Variants in PRIM2 observed in about 807,000 individuals in gnomAD.
PRIM2 encodes DNA primase large subunit.
Under a neutral mutation model 67.3 loss-of-function variants are expected in PRIM2, and 39 were observed. The observed-to-expected ratio is 0.58, with a 90% CI of 0.45 to 0.76. The LOEUF is 0.76. Ranked by LOEUF, PRIM2 falls within the 30% of genes least tolerant of loss-of-function variation. The pLI is 0.00. For missense variants in PRIM2, 398 were observed against 598.7 expected, an observed-to-expected ratio of 0.66 and a Z score of 3.50; for synonymous variants, 143 against 198.7, an observed-to-expected ratio of 0.72 and a Z score of 2.36.
At chr6:57,424,182 C>G (rs1771550482) in intron 7 of PRIM2, among the ~76,000 whole-genome samples, 1 of 152,050 alleles carries the variant, frequency 6.6e-6, no homozygotes, top group Admixed American at 6.6e-5. Flanking sequence ...GATTCTTTTT[C>G]TGTTTTTTCA....
At chr6:57,455,672 A>G (rs1383982913) in intron 7 of PRIM2, among the ~76,000 whole-genome samples, 1 of 152,012 alleles carries the variant, frequency 6.6e-6, no homozygotes, top group African/African-American at 2.4e-5. Context: ...TTTTGAGCCT[A>G]TATGTGTCTC....
the PRIM2 span, among the ~76,000 whole-genome samples, chr6:57,299,137 A>T: frequency 2.0e-5 from 3 of 152,050 alleles, no homozygotes; most frequent in Non-Finnish European, 4.4e-5. Context: ...CCAGTAAGAT[A>T]ATGCACATGC....
chr6:57,597,021 T>A (rs1776379078), intron 10 of PRIM2, among the ~76,000 whole-genome samples: 1 of 151,402 alleles, frequency 6.6e-6, no homozygotes, highest in Non-Finnish European at 1.5e-5. Flanking sequence ...GCTCTTTCAT[T>A]CAAGTGAAGG....
At chr6:57,436,143 T>C (rs1228962978) in intron 7 of PRIM2, among the ~76,000 whole-genome samples, 2 of 152,200 alleles carry the variant, frequency 1.3e-5, no homozygotes, top group African/African-American at 2.4e-5. Context: ...CATTCCCTCC[T>C]CTTGTGTTTT....
In PRIM2 at chr6:57,318,489, G is replaced by A. The variant is rs746450660; in HGVS notation, c.44G>A (p.Gly15Asp). Reference sequence around the variant, plus strand: ...AAGTGGAGGAAGCTGAGGTTGGCAGGTGACCAGAGGAATGCTTCCTACCCT... The same window carrying A: ...AAGTGGAGGAAGCTGAGGTTGGCAGATGACCAGAGGAATGCTTCCTACCCT... ...GRKWRKLRLA[G>D]DQRNASYPHC... is the part of the protein sequence containing the mutation. The change falls in exon 2 of 14, where the codon GGT becomes GAT. Residue 15 changes from glycine to aspartate, a missense_variant. Gly to Asp is a moderately conservative substitution (Grantham distance 94, BLOSUM62 -1). Transcript: ENST00000615550. The A allele has an allele frequency of 3.7e-6, 6 of 1,610,626 alleles. 1 individual carries two copies. The South Asian group carries it at 5.6e-5, about 15-fold the overall frequency.
At chr6:57,290,033 C>T in the PRIM2 span, among the ~76,000 whole-genome samples, 13 of 151,494 alleles carry the variant, frequency 8.6e-5, no homozygotes, top group South Asian at 2.1e-4. Flanking sequence ...CAAGACCCAT[C>T]GGTGTGCTGT....
At chr6:57,627,516 G>A (rs1272012841) in intron 12 of PRIM2, among the ~76,000 whole-genome samples, 1 of 151,186 alleles carries the variant, frequency 6.6e-6, no homozygotes, top group Non-Finnish European at 1.5e-5. Flanking sequence ...AGCCTCCTGA[G>A]TAGCTGGGAT....
chr6:57,640,157 C>T (rs1195784472), intron 13 of PRIM2, among the ~76,000 whole-genome samples: 7 of 152,162 alleles, frequency 4.6e-5, no homozygotes, highest in Non-Finnish European at 7.3e-5. Context: ...TCAATAGATG[C>T]AGAAAAGGCC....
chr6:57,473,092 C>T (rs1195155277), intron 7 of PRIM2, among the ~76,000 whole-genome samples: 85 of 152,276 alleles, frequency 5.6e-4, no homozygotes, highest in African/African-American at 1.9e-3. Flanking sequence ...AACCTAAATT[C>T]TCCCTTTGAA....
chr6:57,461,265 CTTG>C (rs1484247165), intron 7 of PRIM2, among the ~76,000 whole-genome samples: 9 of 152,234 alleles, frequency 5.9e-5, no homozygotes, highest in East Asian at 1.9e-4. Flanking sequence ...TACTGGCTGT[CTTG>C]TTGTTTAGCT....
At chr6:57,617,716 A>G (rs1290205463) in intron 12 of PRIM2, among the ~76,000 whole-genome samples, 1 of 152,190 alleles carries the variant, frequency 6.6e-6, no homozygotes, top group African/African-American at 2.4e-5. Flanking sequence ...TCTTGTCAAC[A>G]ACTTCTTAAT....
At chr6:57,227,963 T>A in the PRIM2 span, among the ~76,000 whole-genome samples, 1 of 152,216 alleles carries the variant, frequency 6.6e-6, no homozygotes, top group Non-Finnish European at 1.5e-5. Context: ...AAATATAATC[T>A]TTTCAACATT....
At chr6:57,536,119 A>T (rs1774997119) in intron 9 of PRIM2, among the ~76,000 whole-genome samples, 1 of 152,188 alleles carries the variant, frequency 6.6e-6, no homozygotes, top group South Asian at 2.1e-4. Flanking sequence ...AAAAAATCAG[A>T]AGTTGTTACT....
chr6:57,507,286 T>C lies in PRIM2; in HGVS notation c.694-101T>C, dbSNP rs1554347284. 9.0e-4 allele frequency: 724 copies of C among 800,748 alleles called. 5 individuals are homozygous for C. The highest frequency in any genetic ancestry group is 1.1e-3 in the Non-Finnish European group (594 of 525,968). 49.6% of individuals were successfully genotyped at this position (800,748 alleles called of 1,614,324 possible). On this transcript the variant is annotated intron_variant, in intron 7 of 13. Transcript: ENST00000615550. ...AAATAGAACCTTATATTTTTAAGTA[T>C]TGCCTCCCTATCTGCCCTTCAGCTC...
At chr6:57,577,691 A>ATC (rs1775988992) in intron 10 of PRIM2, among the ~76,000 whole-genome samples, 1 of 152,222 alleles carries the variant, frequency 6.6e-6, no homozygotes, top group South Asian at 2.1e-4. Context: ...AGCCTCCCAA[A>ATC]GTGCTGGATT....
chr6:57,286,126 A>T, the PRIM2 span, among the ~76,000 whole-genome samples: 1 of 152,180 alleles, frequency 6.6e-6, no homozygotes, highest in Admixed American at 6.5e-5. Flanking sequence ...ACAAAAGGAA[A>T]AACATTCCAT....
chr6:57,638,811 G>A (rs1207726883), intron 13 of PRIM2, among the ~76,000 whole-genome samples: 1 of 152,014 alleles, frequency 6.6e-6, no homozygotes, highest in Non-Finnish European at 1.5e-5. Flanking sequence ...CAATAATAGT[G>A]GGAGACTTTA....
intron 7 of PRIM2, among the ~76,000 whole-genome samples, chr6:57,448,922 A>G (rs1175868623): frequency 1.3e-5 from 2 of 152,036 alleles, no homozygotes. Context: ...CCTAAACCTC[A>G]AAGGAAGGGG....
intron 5 of PRIM2, among the ~76,000 whole-genome samples, chr6:57,330,589 C>A (rs1256030749): frequency 6.6e-6 from 1 of 151,964 alleles, no homozygotes; most frequent in Non-Finnish European, 1.5e-5. Context: ...TATTCTGACT[C>A]CTTTCTAATC....
Sources: gnomAD v4.1 joint callset for allele counts (sites outside exome capture counted in the v4.1 genomes callset) on GRCh38, gnomAD v4.1.1 for gene constraint, MANE v1.5 for transcripts, NCBI Gene and HGNC (gene_info 2026-07-23, HGNC 2026-07-21) for gene names.